Variants in PAWR observed in about 807,000 individuals in gnomAD.
PAWR encodes pro-apoptotic WT1 regulator, also known as PRKC apoptosis WT1 regulator protein.
In PAWR, 23 loss-of-function variants were observed where a neutral mutation model predicts 32.0. The observed-to-expected ratio is 0.72, with a 90% confidence interval of 0.52 to 1.02. The LOEUF (loss-of-function observed/expected upper bound fraction) is 1.02. Among genes scored for constraint, PAWR ranks in the 50% least tolerant of loss-of-function variants. The probability of loss-of-function intolerance (pLI) is 0.00; values close to 1 mark genes in which losing one functional copy is unlikely to be tolerated. For missense variants in PAWR, 457 were observed against 437.7 expected (o/e 1.04, Z -0.39); for synonymous variants, 226 against 187.1 (o/e 1.21, Z -1.70).
chr12:79,668,703 G>A (rs1877734383), intron 2 of PAWR, among the ~76,000 whole-genome samples: 1 of 152,186 alleles, frequency 6.6e-6, no homozygotes, highest in South Asian at 2.1e-4. Flanking sequence ...CAGAGCCCAG[G>A]CAGTAATGCA....
At chr12:79,612,365 T>C (rs1339325682) in intron 4 of PAWR, among the ~76,000 whole-genome samples, 3 of 152,134 alleles carry the variant, frequency 2.0e-5, no homozygotes, top group Non-Finnish European at 4.4e-5. Flanking sequence ...ATGACAAAAA[T>C]TAAAATTTTT....
At chr12:79,608,217 G>A (rs1874274513) in intron 4 of PAWR, among the ~76,000 whole-genome samples, 2 of 152,174 alleles carry the variant, frequency 1.3e-5, no homozygotes, top group Non-Finnish European at 2.9e-5. Context: ...GAATGAGGTT[G>A]AGAACTAAAG....
At chr12:79,595,695 A>G (rs558018280) in intron 5 of PAWR, among the ~76,000 whole-genome samples, 4 of 152,218 alleles carry the variant, frequency 2.6e-5, no homozygotes, top group Admixed American at 2.0e-4. Context: ...AAAAATACAA[A>G]AAAAGAATTA....
chr12:79,639,240 A>G (rs908503118), intron 2 of PAWR, among the ~76,000 whole-genome samples: 1 of 151,892 alleles, frequency 6.6e-6, no homozygotes, highest in African/African-American at 2.4e-5. Flanking sequence ...CTGTTTCACC[A>G]ATTTATCTAC....
chr12:79,687,834 T>C (rs1482156012), intron 2 of PAWR, among the ~76,000 whole-genome samples: 2 of 152,098 alleles, frequency 1.3e-5, no homozygotes, highest in Non-Finnish European at 2.9e-5. Flanking sequence ...TAAGAAAATA[T>C]GAGGAGGAGG....
At chr12:79,665,979 A>C (rs1877582861) in intron 2 of PAWR, among the ~76,000 whole-genome samples, 1 of 152,220 alleles carries the variant, frequency 6.6e-6, no homozygotes, top group Non-Finnish European at 1.5e-5. Context: ...AATAGGTGAA[A>C]GTATCATCAG....
At chr12:79,673,594 T>A (rs1417478412) in intron 2 of PAWR, among the ~76,000 whole-genome samples, 1 of 152,140 alleles carries the variant, frequency 6.6e-6, no homozygotes, top group Non-Finnish European at 1.5e-5. Context: ...GTTGGAGGCC[T>A]CTCCTCAAAG....
chr12:79,669,929 G>A (rs575603541), intron 2 of PAWR, among the ~76,000 whole-genome samples: 1 of 152,094 alleles, frequency 6.6e-6, no homozygotes, highest in South Asian at 2.1e-4. Flanking sequence ...TCAAACTCCT[G>A]AGCTCAAGCA....
At chr12:79,596,727 A>G (rs937620763) in intron 4 of PAWR, 69 bp from the exon 5 acceptor site, 3 of 1,026,814 alleles carry the variant, frequency 2.9e-6, no homozygotes, top group African/African-American at 3.3e-5. Flanking sequence ...AATATTTTCT[A>G]TTGAGCTTAA....
At chr12:79,644,356 T>C (rs1368727378) in intron 2 of PAWR, among the ~76,000 whole-genome samples, 1 of 152,172 alleles carries the variant, frequency 6.6e-6, no homozygotes, top group African/African-American at 2.4e-5. Flanking sequence ...GCCTCTCTCA[T>C]TACATAGTTT....
chr12:79,593,905 T>C (rs1002313105), intron 6 of PAWR, among the ~76,000 whole-genome samples: 2 of 151,676 alleles, frequency 1.3e-5, no homozygotes, highest in Non-Finnish European at 1.5e-5. Context: ...GGTTTTACCA[T>C]GTTGGCCAGG....
At chr12:79,630,426 A>G (rs1265057591) in intron 2 of PAWR, among the ~76,000 whole-genome samples, 2 of 152,004 alleles carry the variant, frequency 1.3e-5, no homozygotes, top group South Asian at 2.1e-4. Context: ...CAGCCTCCCA[A>G]ATAGCTGGAA....
At chr12:79,594,861 T>G (rs1177442394) in intron 5 of PAWR, among the ~76,000 whole-genome samples, 2 of 152,064 alleles carry the variant, frequency 1.3e-5, no homozygotes, top group Non-Finnish European at 2.9e-5. Context: ...GAATTACAGG[T>G]GCATGCCACC....
chr12:79,587,239 A>T lies in PAWR; in HGVS notation c.*5368T>A, dbSNP rs893945977. The stretch of plus-strand genomic sequence containing the variant: ...TTTATCTAAATAGACTGACTTAAGG[A>T]TGCTTTTCCTCTTGTTAGACTTGTA... On this transcript the variant is annotated 3_prime_UTR_variant, in exon 7 of 7. Coordinates refer to ENST00000328827, the MANE Select transcript of PAWR (RefSeq NM_002583.4). The T allele has an allele frequency of 1.3e-5, 2 of 152,098 alleles. No individual in the cohort carries two copies. Among genetic ancestry groups the T allele is most frequent in the Non-Finnish European group, 1.5e-5 (1 of 67,950 alleles). The allele number at this position is 152,098 out of a possible 1,614,324, so 9.4% of individuals were successfully genotyped here. A position where few individuals can be genotyped will look rare whatever the true frequency, so the allele number is the denominator to read the frequency against.
intron 2 of PAWR, among the ~76,000 whole-genome samples, chr12:79,649,504 G>C (rs1876739730): frequency 6.6e-6 from 1 of 152,108 alleles, no homozygotes; most frequent in African/African-American, 2.4e-5. Flanking sequence ...TAAGGAAATA[G>C]AGCTAGTCTC....
At chr12:79,638,897 T>TATATATATATA (rs57439521) in intron 2 of PAWR, among the ~76,000 whole-genome samples, 51 of 5,912 alleles carry the variant, frequency 8.6e-3, no homozygotes, top group Non-Finnish European at 0.011. Context: ...TATATATATA[T>TATATATATATA]TTTTTTTTTT....
chr12:79,592,699 GAA>G lies in PAWR; in HGVS notation c.937-8_937-7del, dbSNP rs761953474. The G allele has an allele frequency of 9.9e-6, 6 of 603,886 alleles. No individual in the cohort carries two copies. The highest frequency in any genetic ancestry group is 4.0e-5 in the African/African-American group (2 of 50,114). The allele number at this position is 603,886 out of a possible 1,614,324, so 37.4% of individuals were successfully genotyped here. A position where few individuals can be genotyped will look rare whatever the true frequency, so the allele number is the denominator to read the frequency against. ...TCTTCTATGTCATCTAGGTCCTTAA[GAA>G]AAAAAAAAGACACTTTAAAAATACT... On this transcript the variant is annotated splice_region_variant and splice_polypyrimidine_tract_variant and intron_variant, in intron 6 of 6. Coordinates refer to ENST00000328827, the MANE Select transcript of PAWR (RefSeq NM_002583.4).
At chr12:79,593,956 G>A (rs994965248) in intron 6 of PAWR, among the ~76,000 whole-genome samples, 6 of 151,516 alleles carry the variant, frequency 4.0e-5, no homozygotes, top group African/African-American at 7.3e-5. Flanking sequence ...CGCCCTCCTC[G>A]GCCTCCCAAA....
rs76861750 is a variant in PAWR at position 79,672,165 on chromosome 12, C to T, written c.516+17564G>A. 6.5e-3 allele frequency among the ~76,000 whole-genome samples: 991 copies of T among 152,102 alleles called. 11 individuals are homozygous for T. Among genetic ancestry groups the T allele is most frequent in the African/African-American group, 0.02 (810 of 41,496 alleles). The stretch of plus-strand genomic sequence containing the variant: ...CTCCTGTATTGCTGTAGTGGTCTGC[C>T]CTCTCCTTCCCGTACACAGAGCCCA... On this transcript the variant is annotated intron_variant, in intron 2 of 6. Coordinates refer to ENST00000328827, the MANE Select transcript of PAWR (RefSeq NM_002583.4).
Sources: allele counts gnomAD v4.1 joint callset (sites outside exome capture counted in the v4.1 genomes callset), GRCh38; gene constraint gnomAD v4.1.1; transcripts MANE v1.5; gene names NCBI Gene and HGNC (gene_info 2026-07-23, HGNC 2026-07-21).